Variants in PDE4D observed in about 807,000 individuals in gnomAD.
The protein encoded by PDE4D is phosphodiesterase 4D, also known as 3',5'-cyclic-AMP phosphodiesterase 4D.
PDE4D carries 24 observed loss-of-function variants against 87.4 expected under a neutral mutation model. The observed-to-expected ratio is 0.27, with a 90% CI of 0.20 to 0.39. PDE4D has a LOEUF of 0.39. Among genes scored for constraint, PDE4D ranks in the 10% least tolerant of loss-of-function variants. The pLI is 1.00. For synonymous variants in PDE4D, 384 were observed against 383.2 expected (o/e 1.00, Z -0.02); for missense variants, 714 against 1,041.0 (o/e 0.69, Z 4.32).
chr5:59,936,128 G>A lies in PDE4D; in HGVS notation c.272+52360C>T, dbSNP rs551563641. Among the ~76,000 whole-genome samples, 9 of 151,994 alleles carry A rather than the reference G, an allele frequency of 5.9e-5. No homozygotes were observed. The East Asian group carries it at 1.2e-3, about 20-fold the overall frequency. ...TCGCAAGGACAAAAAACCAAACACC[G>A]CATGTTCTCACTCATAGGTGGGAAT... On this transcript the variant is annotated intron_variant, in intron 3 of 16. Coordinates refer to the PDE4D transcript ENST00000502484.
intron 2 of PDE4D, among the ~76,000 whole-genome samples, chr5:60,008,214 A>G (rs912229661): frequency 5.3e-5 from 8 of 151,966 alleles, no homozygotes; most frequent in African/African-American, 1.7e-4. Flanking sequence ...TTTACAGGCC[A>G]TGAATTCCCC....
In PDE4D at chr5:59,052,820, C is replaced by A. The variant is rs140542619; in HGVS notation, c.809-13849G>T. Among the ~76,000 whole-genome samples, 372 of 152,256 alleles carry A rather than the reference C, an allele frequency of 2.4e-3. 2 individuals are homozygous for A. The highest frequency in any genetic ancestry group is 8.6e-3 in the African/African-American group (358 of 41,542). ...TTAAAACTAACTTTAATCTAAAAATCATATATTCATATCTCTATCTTTTTT... is the reference window on the plus strand; with the variant it reads ...TTAAAACTAACTTTAATCTAAAAATAATATATTCATATCTCTATCTTTTTT... On this transcript the variant is annotated intron_variant, in intron 5 of 14. Coordinates refer to ENST00000340635, the MANE Select transcript of PDE4D (RefSeq NM_001104631.2).
At chr5:59,023,483 A>G (rs1320671327) in intron 6 of PDE4D, among the ~76,000 whole-genome samples, 1 of 138,072 alleles carries the variant, frequency 7.2e-6, no homozygotes, top group Non-Finnish European at 1.6e-5. Context: ...AAAAAAAAAA[A>G]AGTTAAATTA....
chr5:60,463,065 A>G (rs1281777852), intron 1 of PDE4D, among the ~76,000 whole-genome samples: 2 of 152,188 alleles, frequency 1.3e-5, no homozygotes, highest in Non-Finnish European at 2.9e-5. Context: ...AAACTCACCA[A>G]AGAAAGTTGG....
At chr5:59,761,925 C>T (rs1024662507) in intron 1 of PDE4D, among the ~76,000 whole-genome samples, 1 of 152,034 alleles carries the variant, frequency 6.6e-6, no homozygotes, top group Non-Finnish European at 1.5e-5. Context: ...TTTGTTTACA[C>T]CAGCATGCCC....
intron 5 of PDE4D, among the ~76,000 whole-genome samples, chr5:59,159,485 C>G (rs559431994): frequency 6.6e-6 from 1 of 152,224 alleles, no homozygotes; most frequent in African/African-American, 2.4e-5. Context: ...GGGGGTAGGA[C>G]TATATCTTAT....
rs545421432 is a variant in PDE4D at position 60,182,424 on chromosome 5, T to G, written c.42+3133A>C. ...TCAATCATCCCTTAAGAATATCAAATTCACCTGAGACCAGCCTGACCAACA... is the reference window on the plus strand; with the variant it reads ...TCAATCATCCCTTAAGAATATCAAAGTCACCTGAGACCAGCCTGACCAACA... On this transcript the variant is annotated intron_variant, in intron 2 of 16. Coordinates refer to the PDE4D transcript ENST00000502484. Among the ~76,000 whole-genome samples, 35 of 152,276 alleles carry G rather than the reference T, an allele frequency of 2.3e-4. No homozygotes were observed. In the South Asian group the frequency reaches 6.0e-3, roughly 26 times the overall value.
chr5:59,344,919 C>A (rs1371426910), intron 1 of PDE4D, among the ~76,000 whole-genome samples: 1 of 152,062 alleles, frequency 6.6e-6, no homozygotes, highest in African/African-American at 2.4e-5. Context: ...CTGACATCAT[C>A]TAATAATTAA....
In PDE4D at chr5:59,519,990, G is replaced by A. The variant is rs543211390; in HGVS notation, c.456-304022C>T. Among the ~76,000 whole-genome samples, 3 of 152,208 alleles carry A rather than the reference G, an allele frequency of 2.0e-5. No homozygotes were observed. The South Asian group carries it at 6.2e-4, about 32-fold the overall frequency. ...ATGAGGCTGTTTATGGGCAGGACAC[G>A]GTACCTCACACCTGTAATCCCAGCT... On this transcript the variant is annotated intron_variant, in intron 1 of 14. Transcript: ENST00000340635.
rs1188932953 is a variant in PDE4D at position 59,396,791 on chromosome 5, T to C, written c.456-180823A>G. On this transcript the variant is annotated intron_variant, in intron 1 of 14. Coordinates refer to ENST00000340635, the MANE Select transcript of PDE4D (RefSeq NM_001104631.2). ...CAATTAAAAGACACAGACTGGCAAA[T>C]TGGATAAAGAGTCAACACCCATCAG... Among the ~76,000 whole-genome samples, 5 of 117,744 alleles carry C rather than the reference T, an allele frequency of 4.2e-5. 1 individual carries two copies. The highest frequency in any genetic ancestry group is 1.7e-4 in the Admixed American group (2 of 12,062). The allele number at this position is 117,744 out of a possible 152,430, so 77.2% of individuals were successfully genotyped here. A position where few individuals can be genotyped will look rare whatever the true frequency, so the allele number is the denominator to read the frequency against.
At chr5:60,061,505 C>T (rs2152887979) in intron 2 of PDE4D, among the ~76,000 whole-genome samples, 1 of 152,222 alleles carries the variant, frequency 6.6e-6, no homozygotes, top group Middle Eastern at 3.4e-3. Context: ...GGCCATACAG[C>T]CCAAAGTAGT....
At chr5:59,028,056 C>A (rs538377943) in intron 6 of PDE4D, among the ~76,000 whole-genome samples, 7 of 152,022 alleles carry the variant, frequency 4.6e-5, no homozygotes, top group African/African-American at 1.7e-4. Context: ...AGAGGAAGAA[C>A]GTATGTACAT....
chr5:59,020,142 A>AATT (rs1754828970), intron 6 of PDE4D, among the ~76,000 whole-genome samples: 1 of 152,186 alleles, frequency 6.6e-6, no homozygotes, highest in Non-Finnish European at 1.5e-5. Flanking sequence ...ATCAAATACA[A>AATT]ATAATAAAGT....
At chr5:59,815,506 C>T (rs1768873738) in intron 1 of PDE4D, among the ~76,000 whole-genome samples, 1 of 152,166 alleles carries the variant, frequency 6.6e-6, no homozygotes, top group South Asian at 2.1e-4. Context: ...CTTAACTTCG[C>T]TCTTCCTCAG....
At chr5:59,577,713 C>A (rs1823408905) in intron 1 of PDE4D, among the ~76,000 whole-genome samples, 1 of 152,024 alleles carries the variant, frequency 6.6e-6, no homozygotes, top group African/African-American at 2.4e-5. Flanking sequence ...TGAATGCTGA[C>A]AATAATAGCG....
chr5:60,146,078 G>C (rs1037183022), intron 2 of PDE4D, among the ~76,000 whole-genome samples: 1 of 152,164 alleles, frequency 6.6e-6, no homozygotes, highest in African/African-American at 2.4e-5. Flanking sequence ...GCCAGGTGTG[G>C]TGGCGTGCGC....
At chr5:58,985,547 C>G (rs921621324) in intron 11 of PDE4D, among the ~76,000 whole-genome samples, 1 of 152,210 alleles carries the variant, frequency 6.6e-6, no homozygotes, top group Non-Finnish European at 1.5e-5. Context: ...GTGCCTTAAG[C>G]TCTCAGTGCT....
At chr5:60,130,183 T>A (rs1046737384) in intron 2 of PDE4D, among the ~76,000 whole-genome samples, 5 of 152,194 alleles carry the variant, frequency 3.3e-5, no homozygotes, top group Non-Finnish European at 5.9e-5. Flanking sequence ...TTCTGATACT[T>A]ATAACTACCT....
chr5:60,496,276 A>T (rs748180425), intron 1 of PDE4D, among the ~76,000 whole-genome samples: 5 of 152,208 alleles, frequency 3.3e-5, no homozygotes, highest in Non-Finnish European at 5.9e-5. Context: ...CCAAACCGAG[A>T]GGGAAACTGT....
Sources: gnomAD v4.1 joint callset for allele counts (sites outside exome capture counted in the v4.1 genomes callset) on GRCh38, gnomAD v4.1.1 for gene constraint, MANE v1.5 for transcripts, NCBI Gene and HGNC (gene_info 2026-07-23, HGNC 2026-07-21) for gene names.